SUGCT: variants seen among roughly 807,000 people sequenced by gnomAD.
SUGCT encodes succinyl-CoA:glutarate CoA-transferase.
Under a neutral mutation model 55.0 loss-of-function variants are expected in SUGCT, and 41 were observed. That is an observed-to-expected ratio of 0.74 (90% CI 0.58 to 0.97). SUGCT has a LOEUF of 0.97. SUGCT is among the 50% of genes least tolerant of loss of function. The pLI is 0.00. For missense variants in SUGCT, 568 were observed against 547.8 expected (o/e 1.04, Z -0.37); for synonymous variants, 187 against 200.4 (o/e 0.93, Z 0.56).
At chr7:41,016,209 T>C in the SUGCT span, among the ~76,000 whole-genome samples, 1 of 152,244 alleles carries the variant, frequency 6.6e-6, no homozygotes, top group Non-Finnish European at 1.5e-5. Flanking sequence ...TTCTTAGCTC[T>C]TCACGGGAAT....
rs182402030 is a variant in SUGCT, at chr7:40,849,852, T to C, written c.1154-10464T>C. Among the ~76,000 whole-genome samples the C allele has an allele frequency of 1.2e-4, 18 of 152,042 alleles. No homozygotes were observed. The East Asian group carries it at 2.9e-3, about 25-fold the overall frequency. ...CTCAGGTAACTTTCGACAGAGGAGA[T>C]AGTGAAGGCTTCATTCCTTTCAGGG... On this transcript the variant is annotated intron_variant, in intron 13 of 13. Coordinates refer to ENST00000335693, the MANE Select transcript of SUGCT (RefSeq NM_001193313.2).
rs140800872 is a variant in SUGCT, at chr7:40,825,729, C to T, written c.1154-34587C>T. ...CGACCCATTCTCCTCAGCCATCCGA[C>T]GGTCCAAACAGGCAACCTTCCCAGT... On this transcript the variant is annotated intron_variant, in intron 13 of 13. Transcript: ENST00000335693. Among the ~76,000 whole-genome samples the T allele has an allele frequency of 1.7e-4, 26 of 152,172 alleles. No individual in the cohort carries two copies. The East Asian group carries it at 3.9e-3, about 23-fold the overall frequency.
At chr7:40,935,507 C>G in the SUGCT span, among the ~76,000 whole-genome samples, 3 of 152,144 alleles carry the variant, frequency 2.0e-5, no homozygotes, top group African/African-American at 7.2e-5. Flanking sequence ...TTATACAATA[C>G]ATGGCCTTTG....
chr7:40,770,393 T>C (rs1027489047), intron 13 of SUGCT, among the ~76,000 whole-genome samples: 2 of 152,086 alleles, frequency 1.3e-5, no homozygotes, highest in Non-Finnish European at 2.9e-5. Flanking sequence ...TCCTTTTAGC[T>C]CATTGCTCCA....
chr7:40,177,002 A>G (rs1784960163), intron 1 of SUGCT, among the ~76,000 whole-genome samples: 1 of 149,788 alleles, frequency 6.7e-6, no homozygotes, highest in Admixed American at 6.7e-5. Flanking sequence ...TTTCACTACC[A>G]TTTGAACAAA....
At chr7:40,899,568 C>G in the SUGCT span, among the ~76,000 whole-genome samples, 1 of 152,116 alleles carries the variant, frequency 6.6e-6, no homozygotes, top group East Asian at 1.9e-4. Flanking sequence ...TATGAGTATT[C>G]CCGGGAGAAC....
intron 12 of SUGCT, among the ~76,000 whole-genome samples, chr7:40,520,276 A>G (rs960673673): frequency 6.6e-6 from 1 of 152,156 alleles, no homozygotes; most frequent in African/African-American, 2.4e-5. Context: ...ATATTATTAG[A>G]AAAGCTAAAG....
At chr7:40,358,191 G>A (rs1181415330) in intron 9 of SUGCT, among the ~76,000 whole-genome samples, 1 of 152,180 alleles carries the variant, frequency 6.6e-6, no homozygotes, top group East Asian at 1.9e-4. Flanking sequence ...AAGATGATGG[G>A]TTAAAAATAA....
the SUGCT span, among the ~76,000 whole-genome samples, chr7:40,921,526 G>A: frequency 4.6e-5 from 7 of 152,230 alleles, no homozygotes; most frequent in African/African-American, 2.4e-5. Context: ...GCGGCACTGG[G>A]AGACCAGGCT....
At chr7:40,766,320 C>T (rs1167717640) in intron 13 of SUGCT, among the ~76,000 whole-genome samples, 2 of 152,122 alleles carry the variant, frequency 1.3e-5, no homozygotes, top group African/African-American at 4.8e-5. Flanking sequence ...AAGCAATTCT[C>T]CCACCTCAGC....
chr7:40,939,581 T>A, the SUGCT span, among the ~76,000 whole-genome samples: 2 of 152,226 alleles, frequency 1.3e-5, no homozygotes, highest in Admixed American at 6.5e-5. Context: ...ATGGCCATTC[T>A]GGCTGAGGTA....
chr7:40,587,578 T>C (rs1797458517), intron 12 of SUGCT, among the ~76,000 whole-genome samples: 1 of 152,346 alleles, frequency 6.6e-6, no homozygotes, highest in Non-Finnish European at 1.5e-5. Context: ...ATTAAATGTT[T>C]ATTCAATTTA....
chr7:40,638,035 T>C (rs1490912460), intron 12 of SUGCT, among the ~76,000 whole-genome samples: 4 of 152,228 alleles, frequency 2.6e-5, no homozygotes, highest in African/African-American at 9.6e-5. Flanking sequence ...GTGCATTTTA[T>C]CTGAACTACT....
At chr7:40,759,019 C>A (rs758738927) in intron 13 of SUGCT, among the ~76,000 whole-genome samples, 36 of 152,062 alleles carry the variant, frequency 2.4e-4, no homozygotes, top group Non-Finnish European at 3.8e-4. Flanking sequence ...AATAGCAGGA[C>A]ATTTTGGGCA....
At chr7:40,332,956 C>T (rs1227292914) in intron 9 of SUGCT, among the ~76,000 whole-genome samples, 2 of 152,194 alleles carry the variant, frequency 1.3e-5, no homozygotes, top group Admixed American at 1.3e-4. Flanking sequence ...GCAAAATCAT[C>T]CATCCATCTA....
chr7:41,034,259 G>A, the SUGCT span, among the ~76,000 whole-genome samples: 1 of 152,188 alleles, frequency 6.6e-6, no homozygotes, highest in Non-Finnish European at 1.5e-5. Flanking sequence ...GCTCATGAGT[G>A]TGTGCAAGGG....
chr7:40,248,136 C>G (rs1790038900), intron 7 of SUGCT, among the ~76,000 whole-genome samples: 5 of 151,740 alleles, frequency 3.3e-5, no homozygotes, highest in African/African-American at 1.2e-4. Context: ...CTCAGCCTCC[C>G]AAGTAGCTGG....
At chr7:40,954,735 T>C in the SUGCT span, among the ~76,000 whole-genome samples, 2 of 152,226 alleles carry the variant, frequency 1.3e-5, no homozygotes, top group Non-Finnish European at 2.9e-5. Flanking sequence ...TGAGTGATAT[T>C]CCCTAGGTTT....
intron 6 of SUGCT, among the ~76,000 whole-genome samples, chr7:40,229,345 C>G (rs529032655): frequency 1.2e-4 from 19 of 152,098 alleles, no homozygotes; most frequent in African/African-American, 4.6e-4. Context: ...ATGGTGAAAC[C>G]CTGTCTCTAC....
Sources: gnomAD v4.1 joint callset for allele counts (sites outside exome capture counted in the v4.1 genomes callset) on GRCh38, gnomAD v4.1.1 for gene constraint, MANE v1.5 for transcripts, NCBI Gene and HGNC (gene_info 2026-07-23, HGNC 2026-07-21) for gene names.